Variants in DCC observed in about 807,000 individuals in gnomAD.
DCC encodes netrin receptor DCC.
DCC carries 58 observed loss-of-function variants against 172.5 expected under a neutral mutation model. The ratio of observed to expected loss-of-function variants is 0.34; its 90% CI spans 0.27 to 0.42. The LOEUF is 0.42. Ranked by LOEUF, DCC falls within the 10% of genes least tolerant of loss-of-function variation. The pLI, the probability that DCC is intolerant of heterozygous loss-of-function variation, is 1.00. For missense variants in DCC, 1,740 were observed against 1,791.0 expected, an observed-to-expected ratio of 0.97 and a Z score of 0.51; for synonymous variants, 709 against 644.5, an observed-to-expected ratio of 1.10 and a Z score of -1.52.
At chr18:53,479,323 G>C (rs1026335967) in intron 25 of DCC, among the ~76,000 whole-genome samples, 2 of 152,156 alleles carry the variant, frequency 1.3e-5, no homozygotes, top group Non-Finnish European at 2.9e-5. Context: ...GAAAGGAACA[G>C]TATTTTTTAT....
intron 12 of DCC, among the ~76,000 whole-genome samples, chr18:53,257,576 T>C (rs528498199): frequency 1.2e-4 from 19 of 152,318 alleles, no homozygotes; most frequent in South Asian, 1.0e-3. Context: ...TTGATCATAG[T>C]GGATAAGCTT....
intron 7 of DCC, among the ~76,000 whole-genome samples, chr18:53,103,047 T>C (rs947374797): frequency 6.6e-6 from 1 of 152,104 alleles, no homozygotes; most frequent in Non-Finnish European, 1.5e-5. Context: ...AAAATTGTCT[T>C]GTTATTTATA....
intron 7 of DCC, among the ~76,000 whole-genome samples, chr18:53,149,518 A>G (rs2043967717): frequency 6.6e-6 from 1 of 152,218 alleles, no homozygotes; most frequent in African/African-American, 2.4e-5. Flanking sequence ...TACATACATG[A>G]TGCCCTAGCC....
chr18:52,504,623 A>G (rs564749145), intron 1 of DCC, among the ~76,000 whole-genome samples: 1 of 152,226 alleles, frequency 6.6e-6, no homozygotes, highest in East Asian at 1.9e-4. Flanking sequence ...GTCAAAATCT[A>G]TTGGAAGATA....
chr18:53,176,128 T>C (rs2055089484), intron 8 of DCC, among the ~76,000 whole-genome samples: 2 of 139,742 alleles, frequency 1.4e-5, no homozygotes, highest in Admixed American at 7.3e-5. Context: ...TAGCCATATG[T>C]AGAAAGCTGA....
chr18:52,733,948 T>G (rs1298803859), intron 1 of DCC, among the ~76,000 whole-genome samples: 2 of 152,144 alleles, frequency 1.3e-5, no homozygotes, highest in African/African-American at 4.8e-5. Flanking sequence ...GAAATGTATA[T>G]TCTATATTTC....
intron 2 of DCC, among the ~76,000 whole-genome samples, chr18:52,852,048 C>T (rs986127131): frequency 6.6e-5 from 10 of 152,054 alleles, no homozygotes; most frequent in African/African-American, 2.4e-4. Context: ...TTCCAAATTT[C>T]AATAGCAATT....
At chr18:52,904,204 A>G (rs1190809042) in intron 2 of DCC, among the ~76,000 whole-genome samples, 1 of 152,214 alleles carries the variant, frequency 6.6e-6, no homozygotes, top group African/African-American at 2.4e-5. Flanking sequence ...TTTGCATGGT[A>G]TAGCATTAAT....
At chr18:53,385,055 C>T (rs1206111930) in intron 15 of DCC, among the ~76,000 whole-genome samples, 4 of 145,040 alleles carry the variant, frequency 2.8e-5, no homozygotes, top group African/African-American at 7.7e-5. Flanking sequence ...TTAGTAGAGA[C>T]GGGGTTTCAC....
At chr18:53,056,260 C>T (rs1488836200) in intron 5 of DCC, among the ~76,000 whole-genome samples, 2 of 152,066 alleles carry the variant, frequency 1.3e-5, no homozygotes, top group African/African-American at 4.8e-5. Flanking sequence ...AGTTTAAAAC[C>T]ATCAGCTCTC....
chr18:52,499,878 G>T (rs1442834282), intron 1 of DCC, among the ~76,000 whole-genome samples: 1 of 152,080 alleles, frequency 6.6e-6, no homozygotes, highest in Non-Finnish European at 1.5e-5. Flanking sequence ...CATTCTCAAG[G>T]ATTATCTATG....
intron 1 of DCC, among the ~76,000 whole-genome samples, chr18:52,584,647 T>C (rs1208528171): frequency 6.6e-6 from 1 of 152,146 alleles, no homozygotes; most frequent in Non-Finnish European, 1.5e-5. Flanking sequence ...GAGATACATC[T>C]GCCTCAGCCT....
At chr18:52,587,933 C>T (rs2033713709) in intron 1 of DCC, among the ~76,000 whole-genome samples, 2 of 152,160 alleles carry the variant, frequency 1.3e-5, no homozygotes, top group East Asian at 1.9e-4. Flanking sequence ...ATGTACCTTA[C>T]TTGTGTCTTC....
chr18:53,460,996 C>A (rs915268081), intron 24 of DCC, among the ~76,000 whole-genome samples: 1 of 152,304 alleles, frequency 6.6e-6, no homozygotes, highest in Non-Finnish European at 1.5e-5. Context: ...GATGATATCT[C>A]ATTGTGGTTT....
intron 1 of DCC, among the ~76,000 whole-genome samples, chr18:52,727,584 C>T (rs2036570037): frequency 6.6e-6 from 1 of 152,096 alleles, no homozygotes; most frequent in South Asian, 2.1e-4. Context: ...AACTGCTGAG[C>T]TTGTGAGTTT....
chr18:52,756,542 A>G (rs73957675), intron 2 of DCC, among the ~76,000 whole-genome samples: 12,196 of 152,282 alleles, frequency 0.08, 1,609 homozygotes, highest in African/African-American at 0.28. Flanking sequence ...TTATATCTCA[A>G]TAGCCTACAA....
intron 1 of DCC, among the ~76,000 whole-genome samples, chr18:52,502,875 A>C (rs1054678281): frequency 5.9e-5 from 9 of 152,320 alleles, no homozygotes; most frequent in Admixed American, 4.6e-4. Flanking sequence ...AAATATACCA[A>C]AACATTTATT....
rs982790662 is a variant in DCC at position 53,217,312 on chromosome 18, C to T, written c.1911+1715C>T. Among the ~76,000 whole-genome samples, 128 of 31,082 alleles carry T rather than the reference C, an allele frequency of 4.1e-3. 2 individuals are homozygous for T. Among genetic ancestry groups the T allele is most frequent in the East Asian group, 0.012 (40 of 3,338 alleles). The allele number at this position is 31,082 out of a possible 152,430, so 20.4% of individuals were successfully genotyped here. On this transcript the variant is annotated intron_variant, in intron 12 of 28. Transcript: ENST00000442544. ...ACACACACACACACATATGTATATA[C>T]ACACACACACACACACACACACAAA...
At chr18:53,357,378 A>G (rs1188752396) in intron 15 of DCC, among the ~76,000 whole-genome samples, 2 of 152,198 alleles carry the variant, frequency 1.3e-5, no homozygotes, top group South Asian at 2.1e-4. Flanking sequence ...GTAAATTACA[A>G]TGTTAACTTC....
Sources: gnomAD v4.1 joint callset for allele counts (sites outside exome capture counted in the v4.1 genomes callset) on GRCh38, gnomAD v4.1.1 for gene constraint, MANE v1.5 for transcripts, NCBI Gene and HGNC (gene_info 2026-07-23, HGNC 2026-07-21) for gene names.